Variants in RAD52 observed in about 807,000 individuals in gnomAD.
RAD52 encodes the protein DNA repair protein RAD52 homolog.
In RAD52, 47 loss-of-function variants were observed where a neutral mutation model predicts 55.5. The observed-to-expected ratio is 0.85, with a 90% CI of 0.67 to 1.08. The LOEUF (loss-of-function observed/expected upper bound fraction) is 1.08. Among genes scored for constraint, RAD52 ranks in the 50% least tolerant of loss-of-function variants. The pLI is 0.00. For synonymous variants in RAD52, 184 were observed against 198.9 expected (o/e 0.92, Z 0.63); for missense variants, 468 against 522.8 (o/e 0.90, Z 1.02).
chr12:964,023 C>A (rs1958723367), intron 1 of RAD52, among the ~76,000 whole-genome samples: 1 of 152,000 alleles, frequency 6.6e-6, no homozygotes, highest in South Asian at 2.1e-4. Context: ...TGGAGCACGT[C>A]TGGAGTGTCG....
Position 927,272 on chromosome 12 carries a change from A to G in RAD52, c.349-9T>C. ...TCATGATATGAACCATCCTGGGGGC[A>G]GAAAAGGAGTTTGAACTCAAACACG... On this transcript the variant is annotated splice_polypyrimidine_tract_variant and intron_variant, in intron 5 of 11. Transcript: ENST00000358495. 1 of 1,601,750 alleles carries G rather than the reference A, an allele frequency of 6.2e-7. No homozygotes were observed. The highest frequency in any genetic ancestry group is 8.6e-7 in the Non-Finnish European group (1 of 1,168,870).
intron 4 of RAD52, 34 bp downstream of exon 4, chr12:930,017 T>C (rs1592372523): frequency 6.3e-7 from 1 of 1,595,560 alleles, no homozygotes; most frequent in Non-Finnish European, 8.6e-7. Context: ...AGCTGGACAG[T>C]GCAGAAGTCC....
chr12:982,656 CTT>C (rs34866890), intron 1 of RAD52, among the ~76,000 whole-genome samples: 3 of 86,430 alleles, frequency 3.5e-5, no homozygotes, highest in African/African-American at 4.9e-5. Context: ...ACAATCTAGA[CTT>C]TTTTTTTTTT....
chr12:966,281 G>C (rs1049068326), intron 1 of RAD52, among the ~76,000 whole-genome samples: 1 of 152,128 alleles, frequency 6.6e-6, no homozygotes, highest in East Asian at 1.9e-4. Context: ...ATGTAAATAG[G>C]GGTGTTGTAT....
In RAD52 at chr12:912,205, C is replaced by G. The variant is rs1332595976; in HGVS notation, c.*1186G>C. The G allele has an allele frequency of 5.1e-6, 1 of 195,408 alleles. No individual in the cohort carries two copies. Among genetic ancestry groups the G allele is most frequent in the Non-Finnish European group, 1.1e-5 (1 of 93,870 alleles). The allele number at this position is 195,408 out of a possible 1,614,324, so 12.1% of individuals were successfully genotyped here. On this transcript the variant is annotated 3_prime_UTR_variant, in exon 12 of 12. Coordinates refer to ENST00000358495, the MANE Select transcript of RAD52 (RefSeq NM_134424.4). ...GAAATGCTCTGAGATCAGAAAATTT[C>G]TGAGCACTGACGTGATGCCAGAAGT...
intron 1 of RAD52, among the ~76,000 whole-genome samples, chr12:981,010 C>CT (rs1428733198): frequency 1.3e-5 from 2 of 152,120 alleles, no homozygotes; most frequent in African/African-American, 2.4e-5. Context: ...AGCATCAACT[C>CT]TAAGTCCAAA....
intron 1 of RAD52, among the ~76,000 whole-genome samples, chr12:987,690 A>T (rs1057340154): frequency 9.2e-5 from 14 of 151,576 alleles, no homozygotes; most frequent in Non-Finnish European, 1.9e-4. Flanking sequence ...CCACCTGAGT[A>T]GCTGGGATTA....
intron 1 of RAD52, chr12:989,739 G>A (rs991721740): frequency 3.9e-5 from 6 of 152,176 alleles, no homozygotes; most frequent in Non-Finnish European, 7.3e-5. Context: ...ATTGCCTGAG[G>A]CCACACAAGT....
In RAD52 at chr12:911,898, CTG is replaced by C. The variant is rs1262032948; in HGVS notation, c.*1491_*1492del. Among the ~76,000 whole-genome samples the C allele has an allele frequency of 1.3e-5, 2 of 152,000 alleles. No individual in the cohort carries two copies. The highest frequency in any genetic ancestry group is 1.9e-4 in the East Asian group (1 of 5,182). ...ATTAGTCGGGCGTCGTGGTGGGTGT[CTG>C]TAATCCCAGCTACTCGGGAGCCTGA... On this transcript the variant is annotated 3_prime_UTR_variant, in exon 12 of 12. Transcript: ENST00000358495.
intron 1 of RAD52, among the ~76,000 whole-genome samples, chr12:947,810 C>T (rs189736976): frequency 6.7e-6 from 1 of 149,020 alleles, no homozygotes; most frequent in East Asian, 2.0e-4. Flanking sequence ...AGCGCTTGAA[C>T]CCAGGAGGTG....
At chr12:973,326 C>T (rs1329225238) in intron 1 of RAD52, among the ~76,000 whole-genome samples, 1 of 152,124 alleles carries the variant, frequency 6.6e-6, no homozygotes, top group African/African-American at 2.4e-5. Flanking sequence ...TCCTGGGCCT[C>T]CCAAAGTGCT....
At chr12:928,745 A>T (rs191611372) in intron 5 of RAD52, among the ~76,000 whole-genome samples, 3 of 152,174 alleles carry the variant, frequency 2.0e-5, no homozygotes, top group Non-Finnish European at 4.4e-5. Context: ...TTGTCTGGTC[A>T]ATTGTGTGTT....
At chr12:987,368 A>T (rs530034335) in intron 1 of RAD52, among the ~76,000 whole-genome samples, 1 of 150,860 alleles carries the variant, frequency 6.6e-6, no homozygotes, top group Non-Finnish European at 1.5e-5. Flanking sequence ...ACATGGTTGA[A>T]TTTTTTTTTT....
chr12:978,218 T>C (rs1024248491), intron 1 of RAD52, among the ~76,000 whole-genome samples: 3 of 151,040 alleles, frequency 2.0e-5, no homozygotes, highest in Non-Finnish European at 3.0e-5. Flanking sequence ...TAATTTTTCT[T>C]TTTTTTTTGT....
In RAD52 at chr12:912,686, G is replaced by T; in HGVS notation, c.*705C>A. On this transcript the variant is annotated 3_prime_UTR_variant, in exon 12 of 12. Coordinates refer to ENST00000358495, the MANE Select transcript of RAD52 (RefSeq NM_134424.4). The stretch of plus-strand genomic sequence containing the variant: ...TGGAGAGAGCTGTGTTTGCACCACT[G>T]AACTCCAGTCAGGGCAACACAGCCA... 7.6e-6 allele frequency: 1 copy of T among 131,616 alleles called. No homozygotes were observed. Among genetic ancestry groups the T allele is most frequent in the East Asian group, 1.5e-4 (1 of 6,762 alleles). The allele number at this position is 131,616 out of a possible 1,614,324, so 8.2% of individuals were successfully genotyped here. A position where few individuals can be genotyped will look rare whatever the true frequency, so the allele number is the denominator to read the frequency against.
At position 931,088 on chromosome 12, in the gene RAD52, G is replaced by C. The variant is rs2154114310; in HGVS notation, c.186+132C>G. 4 of 649,490 alleles carry C rather than the reference G, an allele frequency of 6.2e-6. No individual in the cohort carries two copies. The South Asian group carries it at 8.1e-5, about 13-fold the overall frequency. The allele number at this position is 649,490 out of a possible 1,614,324, so 40.2% of individuals were successfully genotyped here. A position where few individuals can be genotyped will look rare whatever the true frequency, so the allele number is the denominator to read the frequency against. On this transcript the variant is annotated intron_variant, in intron 3 of 11. Transcript: ENST00000358495. ...GAAGTCTGGAACCCATCCCCTCCCA[G>C]GGGCACTGGGAGACCTCCAGGAACA... is the stretch of plus-strand genomic sequence containing the variant.
intron 1 of RAD52, among the ~76,000 whole-genome samples, chr12:988,881 C>G (rs1438051453): frequency 1.4e-5 from 2 of 147,758 alleles, no homozygotes; most frequent in Admixed American, 6.7e-5. Context: ...TACTATCACA[C>G]TGGGAATCAA....
rs1958820552 is a variant in RAD52 at position 970,056 on chromosome 12, C to T, written c.-19+19753G>A. Among the ~76,000 whole-genome samples the T allele has an allele frequency of 3.2e-5, 3 of 94,020 alleles. No individual in the cohort carries two copies. The South Asian group carries it at 1.1e-3, about 35-fold the overall frequency. 61.7% of individuals were successfully genotyped at this position (94,020 alleles called of 152,430 possible). A position where few individuals can be genotyped will look rare whatever the true frequency, so the allele number is the denominator to read the frequency against. On this transcript the variant is annotated intron_variant, in intron 1 of 11. Transcript: ENST00000430095. ...GGGCGCGGTGACTCATGCCTATAAT[C>T]CCAGCACTTTGGGAGGCGGAGGTGG...
At chr12:929,773 C>A in intron 5 of RAD52, 46 bp downstream of exon 5, 1 of 1,563,258 alleles carries the variant, frequency 6.4e-7, no homozygotes, top group South Asian at 1.1e-5. Context: ...CCTTCTCCTA[C>A]CACCCACTGA....
Sources: gnomAD v4.1 joint callset for allele counts (sites outside exome capture counted in the v4.1 genomes callset) on GRCh38, gnomAD v4.1.1 for gene constraint, MANE v1.5 for transcripts, NCBI Gene and HGNC (gene_info 2026-07-23, HGNC 2026-07-21) for gene names.